Variants in ERC2 observed in about 807,000 individuals in gnomAD.
ERC2 encodes ELKS/RAB6-interacting/CAST family member 2, also known as ERC protein 2.
Under a neutral mutation model 114.8 loss-of-function variants are expected in ERC2, and 42 were observed. The observed-to-expected ratio is 0.37, with a 90% CI of 0.29 to 0.47. ERC2 has a LOEUF of 0.47. Among genes scored for constraint, ERC2 ranks in the 20% least tolerant of loss-of-function variants. ERC2 has a pLI of 0.99. For synonymous variants in ERC2, 454 were observed against 425.5 expected, an observed-to-expected ratio of 1.07 and a Z score of -0.82; for missense variants, 939 against 1,150.7, an observed-to-expected ratio of 0.82 and a Z score of 2.66.
intron 17 of ERC2, among the ~76,000 whole-genome samples, chr3:55,621,106 C>T (rs1460163946): frequency 6.6e-6 from 1 of 152,094 alleles, no homozygotes; most frequent in East Asian, 1.9e-4. Flanking sequence ...ACCCCATTTC[C>T]ATTCTGTCCC....
At position 55,793,070 on chromosome 3, in the gene ERC2, T is replaced by C. The variant is rs149057254; in HGVS notation, c.2565-58152A>G. 1.1e-3 allele frequency among the ~76,000 whole-genome samples: 172 copies of C among 151,938 alleles called. 1 individual carries two copies. The highest frequency in any genetic ancestry group is 3.8e-3 in the African/African-American group (157 of 41,546). ...GTGGATGCAATTTATTTACTTATTTTATTTTATTTTATTTTGAGACAGGGT... is the reference window on the plus strand; with the variant it reads ...GTGGATGCAATTTATTTACTTATTTCATTTTATTTTATTTTGAGACAGGGT... On this transcript the variant is annotated intron_variant, in intron 14 of 17. Coordinates refer to ENST00000288221, the MANE Select transcript of ERC2 (RefSeq NM_015576.3).
intron 3 of ERC2, among the ~76,000 whole-genome samples, chr3:56,218,534 T>C (rs2049663896): frequency 6.6e-6 from 1 of 152,244 alleles, no homozygotes; most frequent in Non-Finnish European, 1.5e-5. Context: ...ACTTTTACAC[T>C]GTTGGTGGGA....
rs577644152 is a variant in ERC2, at chr3:56,201,130, C to T, written c.1075-27610G>A. Reference sequence around the variant, plus strand: ...TCTTCAGTCCTTCTGCCTGGTTTTCCCTTCTCTCCCCATCCTATCTTCACT... The same window carrying T: ...TCTTCAGTCCTTCTGCCTGGTTTTCTCTTCTCTCCCCATCCTATCTTCACT... On this transcript the variant is annotated intron_variant, in intron 3 of 17. Transcript: ENST00000288221. Among the ~76,000 whole-genome samples, 4 of 152,174 alleles carry T rather than the reference C, an allele frequency of 2.6e-5. No individual in the cohort carries two copies. In the South Asian group the frequency reaches 8.3e-4, roughly 32 times the overall value.
chr3:56,097,738 A>C (rs570617263), intron 6 of ERC2, among the ~76,000 whole-genome samples: 3 of 152,172 alleles, frequency 2.0e-5, no homozygotes, highest in Non-Finnish European at 4.4e-5. Flanking sequence ...GATTTTTATG[A>C]TGCCATTTTG....
intron 14 of ERC2, among the ~76,000 whole-genome samples, chr3:55,865,533 T>C (rs969945446): frequency 6.6e-6 from 1 of 152,132 alleles, no homozygotes; most frequent in Non-Finnish European, 1.5e-5. Flanking sequence ...ATTCACAGAA[T>C]TGTGAAAACA....
chr3:56,093,817 AAAG>A (rs898207065), intron 6 of ERC2, among the ~76,000 whole-genome samples: 12 of 152,220 alleles, frequency 7.9e-5, no homozygotes, highest in African/African-American at 1.2e-4. Flanking sequence ...TATTTGAAAA[AAAG>A]AAGAAGAAAT....
At chr3:56,214,549 A>G (rs1278933805) in intron 3 of ERC2, among the ~76,000 whole-genome samples, 1 of 152,144 alleles carries the variant, frequency 6.6e-6, no homozygotes, top group African/African-American at 2.4e-5. Flanking sequence ...GGAGAATGGA[A>G]CCAAGTTGGA....
intron 14 of ERC2, among the ~76,000 whole-genome samples, chr3:55,738,955 CTG>C (rs1411183511): frequency 6.6e-6 from 1 of 152,126 alleles, no homozygotes; most frequent in African/African-American, 2.4e-5. Flanking sequence ...GTTCCCCTCC[CTG>C]TGTCCATGTG....
chr3:56,060,901 G>A (rs1290430732), intron 7 of ERC2, among the ~76,000 whole-genome samples: 4 of 151,954 alleles, frequency 2.6e-5, no homozygotes, highest in Admixed American at 2.6e-4. Flanking sequence ...TACAGCTATT[G>A]AATTCCTTTC....
intron 7 of ERC2, among the ~76,000 whole-genome samples, chr3:56,072,692 G>A (rs1263729575): frequency 6.6e-6 from 1 of 152,022 alleles, no homozygotes; most frequent in African/African-American, 2.4e-5. Context: ...AACCCAAAAG[G>A]TTGATAAAAT....
intron 14 of ERC2, among the ~76,000 whole-genome samples, chr3:55,825,593 T>C (rs749584434): frequency 2.6e-5 from 4 of 152,162 alleles, no homozygotes; most frequent in Non-Finnish European, 4.4e-5. Context: ...ATCATGGCTG[T>C]TTTTTTCAAT....
intron 6 of ERC2, among the ~76,000 whole-genome samples, chr3:56,083,727 GGGTGATGAGGTATTGA>G (rs564745263): frequency 1.5e-3 from 225 of 152,086 alleles, no homozygotes; most frequent in African/African-American, 4.7e-3. Context: ...AGGTTCCCAT[GGGTGATGAGGTATTGA>G]GGTGATGAGG....
At chr3:56,125,468 C>A (rs780706426) in intron 6 of ERC2, among the ~76,000 whole-genome samples, 2 of 152,140 alleles carry the variant, frequency 1.3e-5, no homozygotes, top group Non-Finnish European at 2.9e-5. Context: ...CAAGGCACTT[C>A]CAGGGAAGTT....
chr3:55,815,050 C>G (rs2059858478), intron 14 of ERC2, among the ~76,000 whole-genome samples: 1 of 152,190 alleles, frequency 6.6e-6, no homozygotes, highest in African/African-American at 2.4e-5. Context: ...CCTGTTTAGT[C>G]TGTCTCCACC....
intron 4 of ERC2, among the ~76,000 whole-genome samples, chr3:56,167,451 G>A (rs1029131005): frequency 2.0e-5 from 3 of 151,948 alleles, no homozygotes; most frequent in East Asian, 3.8e-4. Flanking sequence ...GAGTTTGGGG[G>A]GAAAGGGAAA....
intron 3 of ERC2, among the ~76,000 whole-genome samples, chr3:56,245,740 C>T (rs973557478): frequency 4.0e-5 from 6 of 151,898 alleles, no homozygotes; most frequent in East Asian, 1.9e-4. Flanking sequence ...GATGGGGTTT[C>T]GCCATGTTGG....
rs143148626 is a variant in ERC2, at chr3:56,021,484, T to A, written c.1642-2453A>T. 3.5e-4 allele frequency among the ~76,000 whole-genome samples: 53 copies of A among 152,258 alleles called. No individual in the cohort carries two copies. In the East Asian group the frequency reaches 9.5e-3, roughly 27 times the overall value. On this transcript the variant is annotated intron_variant, in intron 7 of 17. Coordinates refer to ENST00000288221, the MANE Select transcript of ERC2 (RefSeq NM_015576.3). ...CATGAGTAAATAATAATTTAATAAA[T>A]AAAACAAATGCCTACTTAATACTAA...
intron 6 of ERC2, among the ~76,000 whole-genome samples, chr3:56,108,148 G>C (rs2078769108): frequency 6.6e-6 from 1 of 152,118 alleles, no homozygotes; most frequent in Non-Finnish European, 1.5e-5. Flanking sequence ...AAGCTAGTGA[G>C]CACTTTAATT....
chr3:56,132,796 AAT>A (rs1435815144), intron 6 of ERC2, among the ~76,000 whole-genome samples: 1 of 152,206 alleles, frequency 6.6e-6, no homozygotes, highest in Non-Finnish European at 1.5e-5. Context: ...TGCATATATG[AAT>A]ATATGTGTAT....
Sources: allele counts gnomAD v4.1 joint callset (sites outside exome capture counted in the v4.1 genomes callset), GRCh38; gene constraint gnomAD v4.1.1; transcripts MANE v1.5; gene names NCBI Gene and HGNC (gene_info 2026-07-23, HGNC 2026-07-21).